The following HMCN2 variants were observed in gnomAD, a reference collection of about 807,000 sequenced individuals.
HMCN2 encodes the protein hemicentin 2.
Under a neutral mutation model 377.5 loss-of-function variants are expected in HMCN2, and 325 were observed. The observed-to-expected ratio is 0.86, with a 90% CI of 0.79 to 0.94. HMCN2 has a LOEUF of 0.94. Ranked by LOEUF, HMCN2 falls within the 40% of genes least tolerant of loss-of-function variation. The pLI is 0.00. For synonymous variants in HMCN2, 2,007 were observed against 2,046.8 expected, an observed-to-expected ratio of 0.98 and a Z score of 0.53; for missense variants, 4,543 against 4,725.3, an observed-to-expected ratio of 0.96 and a Z score of 1.13.
At chr9:130,388,259 G>T in intron 61 of HMCN2, 150 bp from the exon 62 acceptor site, 1 of 436,122 alleles carries the variant, frequency 2.3e-6, no homozygotes, top group Non-Finnish European at 3.1e-6. Flanking sequence ...AAAATAGCCA[G>T]GCACTGGTTC....
In HMCN2 at chr9:130,355,818, CCTGCCAGGCCTCAGGCTCCCCAGTACCCA is replaced by C; in HGVS notation, c.5222_5250del (p.Cys1741TyrfsTer28). ...ATCGTGGGACAGCCCCTGGAACTTC[CCTGCCAGGCCTCAGGCTCCCCAGTACCCA>C]CTATCCAGTGAGTCTGGGGTGGTGG... is the stretch of plus-strand genomic sequence containing the variant. On this transcript the variant is annotated frameshift_variant, in exon 33 of 98. Coordinates refer to ENST00000683500, the MANE Select transcript of HMCN2 (RefSeq NM_001291815.2). LOFTEE classifies it high-confidence loss of function. 1 of 1,303,866 alleles carries C rather than the reference CCTGCCAGGCCTCAGGCTCCCCAGTACCCA, an allele frequency of 7.7e-7. No homozygotes were observed. Among genetic ancestry groups the C allele is most frequent in the East Asian group, 5.5e-5 (1 of 18,026 alleles). 80.8% of individuals were successfully genotyped at this position (1,303,866 alleles called of 1,614,324 possible).
chr9:130,268,994 C>T (rs1554920206), intron 1 of HMCN2, among the ~76,000 whole-genome samples: 2 of 148,538 alleles, frequency 1.3e-5, no homozygotes, highest in African/African-American at 4.9e-5. Context: ...AAATAGAATC[C>T]CCTTTGGTGG....
intron 86 of HMCN2, among the ~76,000 whole-genome samples, chr9:130,420,827 T>G (rs1028808365): frequency 6.6e-6 from 1 of 152,176 alleles, no homozygotes; most frequent in Non-Finnish European, 1.5e-5. Flanking sequence ...GGTCACATTC[T>G]GAGGTCCTGG....
rs146870191 is a variant in HMCN2 at position 130,405,798 on chromosome 9, G to A, written c.12340-157G>A. Among the ~76,000 whole-genome samples, 51 of 152,308 alleles carry A rather than the reference G, an allele frequency of 3.3e-4. No homozygotes were observed. In the East Asian group the frequency reaches 4.4e-3, roughly 13 times the overall value. ...ATGCTGCAGGGCTGGGCAGGGGCAC[G>A]GTGGTGATGCTGACCCGTTTGCTAG... On this transcript the variant is annotated intron_variant, in intron 81 of 97. Transcript: ENST00000683500.
chr9:130,292,011 G>A (rs1554930194), intron 4 of HMCN2, among the ~76,000 whole-genome samples: 1 of 137,282 alleles, frequency 7.3e-6, no homozygotes, highest in African/African-American at 2.8e-5. Context: ...CCTTGTGGTG[G>A]CATTCACTTT....
intron 22 of HMCN2, among the ~76,000 whole-genome samples, chr9:130,335,210 C>T (rs1364545943): frequency 6.6e-6 from 1 of 152,100 alleles, no homozygotes; most frequent in African/African-American, 2.4e-5. Context: ...TTTGCCAGCC[C>T]AGGTGTTGCG....
Position 130,418,929 on chromosome 9 carries a change from C to T in HMCN2, c.13119C>T (p.Pro4373=), listed in dbSNP as rs975020003. ...CCAGCCGGCGGCTCCGGACCCTGCC[C>T]GATGGGAGCCTGTGGCTGGAGAACG... ...LRASRRLRTL[P]DGSLWLENVE... is the part of the protein sequence containing the mutation. Residue 4373 remains proline, a synonymous_variant, in exon 86 of 98, where the codon CCC becomes CCT. Transcript: ENST00000683500. 17 of 1,544,120 alleles carry T rather than the reference C, an allele frequency of 1.1e-5. No homozygotes were observed. The highest frequency in any genetic ancestry group is 1.0e-4 in the Admixed American group (5 of 49,586).
chr9:130,424,315 A>G (rs1270305643), intron 87 of HMCN2, among the ~76,000 whole-genome samples: 3 of 150,824 alleles, frequency 2.0e-5, no homozygotes, highest in Admixed American at 2.0e-4. Context: ...AGTAGCTGGG[A>G]CTACAGACGC....
In HMCN2 at chr9:130,367,941, C is replaced by CAAA. The variant is rs10565235; in HGVS notation, c.6626-315_6626-313dup. ...TGGGCAACAGAGAGAGACTCTGTCT[C>CAAA]AAAAAAAAAAAAAAAAAAAAAAGGG... On this transcript the variant is annotated intron_variant, in intron 43 of 97. Coordinates refer to ENST00000683500, the MANE Select transcript of HMCN2 (RefSeq NM_001291815.2). 3.0e-3 allele frequency among the ~76,000 whole-genome samples: 223 copies of CAAA among 75,132 alleles called. 2 individuals carry two copies. Among genetic ancestry groups the CAAA allele is most frequent in the Middle Eastern group, 0.011 (1 of 90 alleles). The allele number at this position is 75,132 out of a possible 152,430, so 49.3% of individuals were successfully genotyped here. A position where few individuals can be genotyped will look rare whatever the true frequency, so the allele number is the denominator to read the frequency against.
chr9:130,425,094 C>T lies in HMCN2; in HGVS notation c.13605C>T (p.Val4535=), dbSNP rs1187458411. 1.3e-6 allele frequency: 2 copies of T among 1,550,018 alleles called. No homozygotes were observed. The highest frequency in any genetic ancestry group is 1.7e-4 in the Middle Eastern group (1 of 5,986). ...LLLDVVVNGV[V]PESLADADLQ... Reference sequence around the variant, plus strand: ...TCGACGTGGTGGTCAATGGCGTTGTCCCCGAGAGCCTGGCTGACGCAGATC... The same window carrying T: ...TCGACGTGGTGGTCAATGGCGTTGTTCCCGAGAGCCTGGCTGACGCAGATC... The change falls in exon 89 of 98, where the codon GTC becomes GTT. Residue 4535 remains valine, a synonymous_variant. Coordinates refer to ENST00000683500, the MANE Select transcript of HMCN2 (RefSeq NM_001291815.2).
chr9:130,319,676 G>C lies in HMCN2; in HGVS notation c.2532G>C (p.Ser844=), dbSNP rs921960106. The change falls in exon 16 of 98, where the codon TCG becomes TCC. Residue 844 remains serine, a synonymous_variant. Coordinates refer to ENST00000683500, the MANE Select transcript of HMCN2 (RefSeq NM_001291815.2). ...GCAGTAGGTCTCGGCAGCCGGATTC[G>C]GGAGTGCTGTTCTTTGAAAGTAAGA... ...GRGSRSRQPD[S]GVLFFESVAP... The C allele has an allele frequency of 6.6e-6, 1 of 152,110 alleles. No homozygotes were observed. Among genetic ancestry groups the C allele is most frequent in the African/African-American group, 2.4e-5 (1 of 41,402 alleles). 9.4% of individuals were successfully genotyped at this position (152,110 alleles called of 1,614,324 possible).
rs908601001 is a variant in HMCN2, at chr9:130,298,955, C to T, written c.1013-70C>T. 3.7e-5 allele frequency: 15 copies of T among 410,774 alleles called. No individual in the cohort carries two copies. The Admixed American group carries it at 3.8e-4, about 10-fold the overall frequency. The allele number at this position is 410,774 out of a possible 1,614,324, so 25.4% of individuals were successfully genotyped here. A position where few individuals can be genotyped will look rare whatever the true frequency, so the allele number is the denominator to read the frequency against. ...GGACCCCTGGGGTGTGGTTCGAGGGCCCCTACTTGAGGGGGATCACAGAGG... is the reference window on the plus strand; with the variant it reads ...GGACCCCTGGGGTGTGGTTCGAGGGTCCCTACTTGAGGGGGATCACAGAGG... On this transcript the variant is annotated intron_variant, in intron 7 of 97. Coordinates refer to ENST00000683500, the MANE Select transcript of HMCN2 (RefSeq NM_001291815.2).
chr9:130,374,964 G>T (rs1025270568), intron 49 of HMCN2, among the ~76,000 whole-genome samples: 1 of 152,178 alleles, frequency 6.6e-6, no homozygotes, highest in African/African-American at 2.4e-5. Flanking sequence ...GAGGCTCAGA[G>T]AGGTGACAAG....
In HMCN2 at chr9:130,424,868, ACT is replaced by A; in HGVS notation, c.13475_13476del (p.Thr4492ArgfsTer49). ...SGEALNGHSL[T>X]GGRFRQESHV... ...GGAAGCCCTGAATGGCCACTCTCTG[ACT>A]GGGGGCAGGTTCCGGCAGGAGTCAC... On this transcript the variant is annotated frameshift_variant, in exon 88 of 98. Transcript: ENST00000683500. LOFTEE classifies it high-confidence loss of function. The A allele has an allele frequency of 6.8e-7, 1 of 1,467,190 alleles. No homozygotes were observed. The highest frequency in any genetic ancestry group is 9.1e-7 in the Non-Finnish European group (1 of 1,104,142). The allele number at this position is 1,467,190 out of a possible 1,614,324, so 90.9% of individuals were successfully genotyped here.
chr9:130,278,081 T>C lies in HMCN2; in HGVS notation c.260-6522T>C, dbSNP rs1044119144. On this transcript the variant is annotated intron_variant, in intron 1 of 97. Transcript: ENST00000683500. The stretch of plus-strand genomic sequence containing the variant: ...ACCACCACCACCACCATCATCATCA[T>C]CACCACCACCACTATCATCATTGTT... 3.8e-4 allele frequency among the ~76,000 whole-genome samples: 57 copies of C among 151,310 alleles called. 9 individuals are homozygous for C. Among genetic ancestry groups the C allele is most frequent in the African/African-American group, 1.4e-3 (56 of 41,214 alleles).
At position 130,427,525 on chromosome 9, in the gene HMCN2, C is replaced by G; in HGVS notation, c.13971C>G (p.Ser4657Arg). Residue 4657 changes from serine to arginine, a missense_variant, in exon 92 of 98, where the codon AGC (serine) becomes AGG (arginine). Physicochemically the swap from Ser to Arg is moderately radical, Grantham distance 110. Coordinates refer to ENST00000683500, the MANE Select transcript of HMCN2 (RefSeq NM_001291815.2). ...GGGACGAGTGCTCAGGAGGCCCTAG[C>G]CCCTGCTCCCATGCCTGCCTTAATG... ...VDRDECSGGP[S>R]PCSHACLNAP... is the part of the protein sequence containing the mutation. 1.9e-6 allele frequency: 3 copies of G among 1,550,524 alleles called. No homozygotes were observed. Among genetic ancestry groups the G allele is most frequent in the Non-Finnish European group, 2.6e-6 (3 of 1,146,976 alleles).
Position 130,395,262 on chromosome 9 carries a change from C to CCCCAG in HMCN2, c.10827_10831dup (p.Gly3611AlafsTer48). The stretch of plus-strand genomic sequence containing the variant: ...GGCCCCCGCTTTGTGGTCGGCCTGG[C>CCCCAG]CCCAGGGCAGCTGGTCCTGGAGTGT... On this transcript the variant is annotated frameshift_variant, in exon 71 of 98. Transcript: ENST00000683500. LOFTEE classifies it high-confidence loss of function. 1 of 1,289,562 alleles carries CCCCAG rather than the reference C, an allele frequency of 7.8e-7. No homozygotes were observed. Among genetic ancestry groups the CCCCAG allele is most frequent in the Non-Finnish European group, 1.0e-6 (1 of 988,750 alleles). The allele number at this position is 1,289,562 out of a possible 1,614,324, so 79.9% of individuals were successfully genotyped here.
intron 73 of HMCN2, among the ~76,000 whole-genome samples, chr9:130,397,019 C>G (rs1842638092): frequency 6.6e-6 from 1 of 152,218 alleles, no homozygotes; most frequent in African/African-American, 2.4e-5. Flanking sequence ...ACCTTGGCCT[C>G]ACAGATGCAA....
At chr9:130,317,474 TC>T (rs1837622079) in intron 15 of HMCN2, among the ~76,000 whole-genome samples, 3 of 25,320 alleles carry the variant, frequency 1.2e-4, no homozygotes, top group Non-Finnish European at 4.5e-4. Flanking sequence ...ACCATCTCTC[TC>T]TCTCTCTCTC....
Sources: gnomAD v4.1 joint callset for allele counts (sites outside exome capture counted in the v4.1 genomes callset) on GRCh38, gnomAD v4.1.1 for gene constraint, MANE v1.5 for transcripts, NCBI Gene and HGNC (gene_info 2026-07-23, HGNC 2026-07-21) for gene names.